The following TEX2 variants were observed in gnomAD, a reference collection of about 807,000 sequenced individuals.
TEX2 encodes testis expressed 2.
A neutral mutation model predicts 106.9 loss-of-function variants in TEX2; 53 were observed. That is an observed-to-expected ratio of 0.50 (90% CI 0.40 to 0.62). The LOEUF is 0.62. TEX2 is among the 20% of genes least tolerant of loss of function. The pLI, the probability that TEX2 is intolerant of heterozygous loss-of-function variation, is 0.00. For synonymous variants in TEX2, 523 were observed against 534.8 expected, an observed-to-expected ratio of 0.98 and a Z score of 0.30; for missense variants, 1,207 against 1,379.0, an observed-to-expected ratio of 0.88 and a Z score of 1.98.
At chr17:64,245,468 C>A (rs1419471809) in intron 1 of TEX2, among the ~76,000 whole-genome samples, 1 of 152,156 alleles carries the variant, frequency 6.6e-6, no homozygotes, top group African/African-American at 2.4e-5. Flanking sequence ...CCTCAAAATT[C>A]CTTAACCATT....
At chr17:64,207,243 A>G (rs1451422820) in intron 2 of TEX2, among the ~76,000 whole-genome samples, 1 of 152,216 alleles carries the variant, frequency 6.6e-6, no homozygotes, top group Non-Finnish European at 1.5e-5. Context: ...GTGAGAACTT[A>G]TACGGCTCAG....
chr17:64,237,068 A>T (rs1340839728), intron 1 of TEX2, among the ~76,000 whole-genome samples: 1 of 152,238 alleles, frequency 6.6e-6, no homozygotes, highest in Non-Finnish European at 1.5e-5. Context: ...TGTGAAGGGC[A>T]CCAAGAGATC....
intron 4 of TEX2, 59 bp from the exon 5 acceptor site, chr17:64,188,474 G>A (rs751594706): frequency 1.8e-5 from 27 of 1,508,296 alleles, no homozygotes; most frequent in Admixed American, 4.2e-5. Flanking sequence ...CAAAGTAAGC[G>A]GACTCCCTGA....
intron 1 of TEX2, among the ~76,000 whole-genome samples, chr17:64,248,122 C>T (rs1464990461): frequency 2.0e-5 from 3 of 152,118 alleles, no homozygotes; most frequent in African/African-American, 7.2e-5. Context: ...CGGCTGGTTA[C>T]TTTCTAGACA....
intron 1 of TEX2, among the ~76,000 whole-genome samples, chr17:64,254,347 T>C (rs2034146739): frequency 6.6e-6 from 1 of 152,254 alleles, no homozygotes; most frequent in South Asian, 2.1e-4. Flanking sequence ...CTTGTGCCCT[T>C]TGATTTGTTG....
Position 64,193,681 on chromosome 17 carries a change from T to A in TEX2, c.2054A>T (p.Gln685Leu). The A allele has an allele frequency of 6.2e-7, 1 of 1,602,236 alleles. No homozygotes were observed. Residue 685 changes from glutamine (Q) to leucine (L), a missense_variant, in exon 4 of 12, where the codon CAG becomes CTG. Gln to Leu is a moderately radical substitution (Grantham distance 113, BLOSUM62 -2). Transcript: ENST00000584379. ...QEGTRSSQRD[Q>L]ILYLFGRTGR... ...AGTTCTCCCAAAGAGATAGAGTATC[T>A]GATCTCGCTGGCTAGATCTTGTTCC...
chr17:64,259,118 G>C (rs2034242565), intron 1 of TEX2, among the ~76,000 whole-genome samples: 1 of 152,176 alleles, frequency 6.6e-6, no homozygotes, highest in South Asian at 2.1e-4. Flanking sequence ...TTGCTGCCCA[G>C]TGCAATTTTG....
At chr17:64,255,429 C>T (rs1373669607) in intron 1 of TEX2, among the ~76,000 whole-genome samples, 1 of 152,144 alleles carries the variant, frequency 6.6e-6, no homozygotes, top group African/African-American at 2.4e-5. Context: ...CACATTTATA[C>T]TGTGACAGAA....
chr17:64,262,349 AT>A (rs1452259804), intron 1 of TEX2, among the ~76,000 whole-genome samples: 2 of 152,212 alleles, frequency 1.3e-5, no homozygotes, highest in African/African-American at 4.8e-5. Flanking sequence ...ATAACAACCG[AT>A]GGTTTAAGTA....
At chr17:64,159,786 T>C (rs1286829761) in intron 8 of TEX2, among the ~76,000 whole-genome samples, 3 of 152,184 alleles carry the variant, frequency 2.0e-5, no homozygotes, top group Non-Finnish European at 2.9e-5. Flanking sequence ...ACCGGTTAGA[T>C]TGCATATAGC....
intron 7 of TEX2, among the ~76,000 whole-genome samples, chr17:64,170,003 C>T: frequency 6.6e-6 from 1 of 152,216 alleles, no homozygotes; most frequent in African/African-American, 2.4e-5. Context: ...TTTTACCAAA[C>T]TCCTGTGTAC....
chr17:64,227,354 A>G lies in TEX2; in HGVS notation c.-25-13112T>C, dbSNP rs1325749416. Among the ~76,000 whole-genome samples the G allele has an allele frequency of 5.3e-5, 8 of 152,274 alleles. No homozygotes were observed. The East Asian group carries it at 1.5e-3, about 29-fold the overall frequency. On this transcript the variant is annotated intron_variant, in intron 1 of 11. Coordinates refer to ENST00000584379, the MANE Select transcript of TEX2 (RefSeq NM_001288732.2). Reference sequence around the variant, plus strand: ...AGTAAGTACTCATCAAGCTGACACCAATGTACAAATGTCTGCACTGGGCAA... The same window carrying G: ...AGTAAGTACTCATCAAGCTGACACCGATGTACAAATGTCTGCACTGGGCAA...
At chr17:64,176,704 G>C (rs967751548) in intron 6 of TEX2, among the ~76,000 whole-genome samples, 1 of 152,182 alleles carries the variant, frequency 6.6e-6, no homozygotes, top group African/African-American at 2.4e-5. Context: ...GTTTCTTCAG[G>C]AGAGAGCCCA....
chr17:64,201,281 G>A (rs1465925067), intron 2 of TEX2, among the ~76,000 whole-genome samples: 4 of 152,206 alleles, frequency 2.6e-5, no homozygotes, highest in Non-Finnish European at 5.9e-5. Context: ...TTACTGCCCA[G>A]TTTCATGCCT....
At chr17:64,175,883 A>G (rs1267147576) in intron 6 of TEX2, among the ~76,000 whole-genome samples, 1 of 152,190 alleles carries the variant, frequency 6.6e-6, no homozygotes, top group African/African-American at 2.4e-5. Context: ...GAAGGGCTCG[A>G]GATAGACCCT....
In TEX2 at chr17:64,246,399, C is replaced by T. The variant is rs952516040; in HGVS notation, c.-26+16769G>A. Among the ~76,000 whole-genome samples, 5 of 152,132 alleles carry T rather than the reference C, an allele frequency of 3.3e-5. No homozygotes were observed. The East Asian group carries it at 5.8e-4, about 18-fold the overall frequency. On this transcript the variant is annotated intron_variant, in intron 1 of 11. Coordinates refer to ENST00000584379, the MANE Select transcript of TEX2 (RefSeq NM_001288732.2). ...TAGCTGTTATTACAGGTGTGCGCCACCACAGCTGGCTAATTTTTGCATTTT... is the reference window on the plus strand; with the variant it reads ...TAGCTGTTATTACAGGTGTGCGCCATCACAGCTGGCTAATTTTTGCATTTT...
intron 10 of TEX2, among the ~76,000 whole-genome samples, chr17:64,151,978 A>C (rs2030380034): frequency 6.6e-6 from 1 of 152,214 alleles, no homozygotes; most frequent in Non-Finnish European, 1.5e-5. Flanking sequence ...TACTTTAAAA[A>C]AGTATAAAAA....
chr17:64,200,658 A>G (rs2143952429), intron 2 of TEX2, among the ~76,000 whole-genome samples: 1 of 152,340 alleles, frequency 6.6e-6, no homozygotes, highest in Admixed American at 6.5e-5. Context: ...GAGAGAAGGG[A>G]GTTTCAAGTC....
Position 64,212,739 on chromosome 17 carries a change from G to T in TEX2, c.1479C>A (p.His493Gln), listed in dbSNP as rs782044568. 6.2e-7 allele frequency: 1 copy of T among 1,614,166 alleles called. No homozygotes were observed. The highest frequency in any genetic ancestry group is 1.7e-5 in the Admixed American group (1 of 60,020). Residue 493 changes from histidine to glutamine, a missense_variant, in exon 2 of 12, where the codon CAC becomes CAA. Around this residue, in one of 3 missense-constraint regions of TEX2, gnomAD observed 1,067 missense variants for 1,193.6 expected, o/e 0.89. Coordinates refer to ENST00000584379, the MANE Select transcript of TEX2 (RefSeq NM_001288732.2). ...TTCCCAGAAAGAGTCCACTCACATAGTGGGGGAGGGGGAGGATGAGGTACA... is the reference window on the plus strand; with the variant it reads ...TTCCCAGAAAGAGTCCACTCACATATTGGGGGAGGGGGAGGATGAGGTACA... ...VYVYLILPLP[H>Q]YVSGLFLGIG...
Sources: allele counts gnomAD v4.1 joint callset (sites outside exome capture counted in the v4.1 genomes callset), GRCh38; gene constraint gnomAD v4.1.1; regional missense constraint gnomAD v4.1.1; transcripts MANE v1.5; gene names NCBI Gene and HGNC (gene_info 2026-07-23, HGNC 2026-07-21).